The following FOCAD variants were observed in gnomAD, a reference collection of about 807,000 sequenced individuals.
FOCAD encodes KIAA1797.
FOCAD carries 198 observed loss-of-function variants against 225.6 expected under a neutral mutation model. That is an observed-to-expected ratio of 0.88 (90% CI 0.78 to 0.99). The LOEUF (loss-of-function observed/expected upper bound fraction) is 0.99. Ranked by LOEUF, FOCAD falls within the 50% of genes least tolerant of loss-of-function variation. The pLI is 0.00. For synonymous variants in FOCAD, 897 were observed against 755.0 expected (o/e 1.19, Z -3.08); for missense variants, 2,713 against 2,123.6 (o/e 1.28, Z -5.46).
chr9:20,866,628 T>A (rs1189422511), intron 17 of FOCAD, among the ~76,000 whole-genome samples: 1 of 152,020 alleles, frequency 6.6e-6, no homozygotes, highest in South Asian at 2.1e-4. Flanking sequence ...AGAAAAATGT[T>A]TAATGCTGAT....
chr9:20,724,987 A>G (rs1826074000), intron 4 of FOCAD, among the ~76,000 whole-genome samples: 1 of 152,088 alleles, frequency 6.6e-6, no homozygotes, highest in African/African-American at 2.4e-5. Flanking sequence ...TGGCCAACAA[A>G]GTGTAACCCT....
chr9:20,990,252 G>T lies in FOCAD; in HGVS notation c.5134G>T (p.Val1712Leu). The part of the protein sequence containing the change: ...WHQENGPAGP[V>L]PSFLGRSPMH... ...TCAGGAGAATGGCCCGGCTGGGCCAGTACCAAGCTTCCTTGGCAGGAGTCC... is the reference window on the plus strand; with the variant it reads ...TCAGGAGAATGGCCCGGCTGGGCCATTACCAAGCTTCCTTGGCAGGAGTCC... Residue 1712 changes from valine to leucine, a missense_variant, in exon 42 of 44, where the codon GTA becomes TTA. Coordinates refer to ENST00000338382, the MANE Select transcript of FOCAD (RefSeq NM_001375567.1). The T allele has an allele frequency of 6.2e-7, 1 of 1,614,208 alleles. No homozygotes were observed. Among genetic ancestry groups the T allele is most frequent in the African/African-American group, 1.3e-5 (1 of 75,070 alleles).
chr9:20,906,602 C>T (rs1833000900), intron 21 of FOCAD, among the ~76,000 whole-genome samples: 1 of 151,994 alleles, frequency 6.6e-6, no homozygotes. Context: ...TGTTTACCCA[C>T]ACTGATTAAA....
Position 20,770,145 on chromosome 9 carries a change from G to T in FOCAD, c.813G>T (p.Gln271His). 1 of 1,614,046 alleles carries T rather than the reference G, an allele frequency of 6.2e-7. No individual in the cohort carries two copies. The highest frequency in any genetic ancestry group is 1.1e-5 in the South Asian group (1 of 91,084). ...WKIQLTQMSL[Q>H]LLCVSEVSLK... is the part of the protein sequence containing the mutation. ...TTCAGCTTACCCAGATGAGTCTTCAGCTGCTGTGTGTCAGTGAAGTCAGCT... is the reference window on the plus strand; with the variant it reads ...TTCAGCTTACCCAGATGAGTCTTCATCTGCTGTGTGTCAGTGAAGTCAGCT... The change falls in exon 8 of 44, where the codon CAG becomes CAT. Residue 271 changes from glutamine to histidine, a missense_variant. Coordinates refer to ENST00000338382, the MANE Select transcript of FOCAD (RefSeq NM_001375567.1).
intron 15 of FOCAD, among the ~76,000 whole-genome samples, chr9:20,861,296 G>T (rs530331053): frequency 6.6e-6 from 1 of 152,250 alleles, no homozygotes; most frequent in East Asian, 1.9e-4. Context: ...TGAGTATTAT[G>T]TACCACTCTG....
At chr9:20,773,010 A>T (rs1322840024) in intron 8 of FOCAD, among the ~76,000 whole-genome samples, 3 of 151,672 alleles carry the variant, frequency 2.0e-5, no homozygotes, top group Non-Finnish European at 2.9e-5. Flanking sequence ...GATAAATATT[A>T]TACAGAAAGA....
chr9:20,828,415 T>G (rs946098848), intron 15 of FOCAD, among the ~76,000 whole-genome samples: 16 of 152,098 alleles, frequency 1.1e-4, no homozygotes, highest in African/African-American at 3.6e-4. Context: ...AGTTTTTGTG[T>G]GTATACATAT....
chr9:20,801,452 G>T (rs1261655280), intron 11 of FOCAD, among the ~76,000 whole-genome samples: 2 of 152,102 alleles, frequency 1.3e-5, no homozygotes, highest in African/African-American at 4.8e-5. Flanking sequence ...AAAGTGCTGG[G>T]ATTGCAGGCG....
chr9:20,795,128 T>A (rs1193165390), intron 11 of FOCAD, among the ~76,000 whole-genome samples: 1 of 152,164 alleles, frequency 6.6e-6, no homozygotes, highest in Non-Finnish European at 1.5e-5. Context: ...AGTTGTAATA[T>A]GATAGTGTGA....
chr9:20,846,962 A>T (rs964990267), intron 15 of FOCAD, among the ~76,000 whole-genome samples: 5 of 152,160 alleles, frequency 3.3e-5, no homozygotes, highest in Non-Finnish European at 7.4e-5. Context: ...AGGGTCACAT[A>T]GCTACTTAGT....
intron 35 of FOCAD, among the ~76,000 whole-genome samples, chr9:20,966,807 C>A (rs1564215616): frequency 6.6e-6 from 1 of 151,896 alleles, no homozygotes; most frequent in Non-Finnish European, 1.5e-5. Flanking sequence ...GCACCCTTGT[C>A]AAAAATCAAT....
chr9:20,685,967 C>T (rs1822641044), intron 1 of FOCAD, among the ~76,000 whole-genome samples: 1 of 152,114 alleles, frequency 6.6e-6, no homozygotes. Flanking sequence ...ATTGATGGTG[C>T]TTACCGGTAA....
At chr9:20,804,727 T>C (rs937146857) in intron 11 of FOCAD, among the ~76,000 whole-genome samples, 1 of 152,240 alleles carries the variant, frequency 6.6e-6, no homozygotes, top group African/African-American at 2.4e-5. Context: ...TATTAGAGAC[T>C]CTGGAGGACA....
chr9:20,823,280 C>T (rs1213047158), intron 15 of FOCAD, among the ~76,000 whole-genome samples, 165 bp downstream of exon 15: 1 of 151,994 alleles, frequency 6.6e-6, no homozygotes, highest in Admixed American at 6.6e-5. Flanking sequence ...CAAATTCTTT[C>T]TAGAAGGGAA....
At chr9:20,926,052 C>T (rs936657811) in intron 25 of FOCAD, among the ~76,000 whole-genome samples, 5 of 152,180 alleles carry the variant, frequency 3.3e-5, no homozygotes, top group Non-Finnish European at 5.9e-5. Context: ...TGTTTTGCAG[C>T]ATCTATCCTC....
intron 38 of FOCAD, 65 bp downstream of exon 38, chr9:20,981,751 C>G: frequency 6.5e-7 from 1 of 1,529,084 alleles, no homozygotes; most frequent in Non-Finnish European, 8.8e-7. Flanking sequence ...GGCTTCTTGG[C>G]AAAGTGGGGA....
intron 35 of FOCAD, 103 bp downstream of exon 35, chr9:20,953,168 C>T (rs1837836453): frequency 1.1e-6 from 1 of 894,610 alleles, no homozygotes; most frequent in Non-Finnish European, 1.7e-6. Flanking sequence ...CAATATAAAT[C>T]TGAAGGGGTG....
intron 6 of FOCAD, among the ~76,000 whole-genome samples, chr9:20,759,168 A>G (rs944778918): frequency 6.6e-6 from 1 of 152,242 alleles, no homozygotes; most frequent in African/African-American, 2.4e-5. Context: ...GGAAGAATCA[A>G]TATCATGAAA....
intron 15 of FOCAD, among the ~76,000 whole-genome samples, chr9:20,836,203 T>G (rs1281864613): frequency 6.6e-6 from 1 of 152,080 alleles, no homozygotes; most frequent in Admixed American, 6.6e-5. Context: ...AAATGGCCAA[T>G]AGAAATCCTG....
Sources: allele counts gnomAD v4.1 joint callset (sites outside exome capture counted in the v4.1 genomes callset), GRCh38; gene constraint gnomAD v4.1.1; transcripts MANE v1.5; gene names NCBI Gene and HGNC (gene_info 2026-07-23, HGNC 2026-07-21).